SEC16A: variants seen among roughly 807,000 people sequenced by gnomAD.
SEC16A encodes the protein protein transport protein Sec16A.
SEC16A carries 110 observed loss-of-function variants against 221.9 expected under a neutral mutation model. The ratio of observed to expected loss-of-function variants is 0.50; its 90% confidence interval spans 0.42 to 0.58. The LOEUF is 0.58. Among genes scored for constraint, SEC16A ranks in the 20% least tolerant of loss-of-function variants. The probability of loss-of-function intolerance (pLI) is 0.00; values close to 1 mark genes in which losing one functional copy is unlikely to be tolerated. For synonymous variants in SEC16A, 1,393 were observed against 1,257.7 expected, an observed-to-expected ratio of 1.11 and a Z score of -2.28; for missense variants, 3,165 against 3,097.8, an observed-to-expected ratio of 1.02 and a Z score of -0.52.
At chr9:136,452,477 A>AAAAAAAAAAAAAAAAAG (rs1413100239) in intron 22 of SEC16A, among the ~76,000 whole-genome samples, 1 of 144,996 alleles carries the variant, frequency 6.9e-6, no homozygotes, top group Non-Finnish European at 1.5e-5. Flanking sequence ...AAAAAAAAAA[A>AAAAAAAAAAAAAAAAAG]AGAGATGGCC....
chr9:136,461,259 C>T lies in SEC16A; in HGVS notation c.4909G>A (p.Ala1637Thr), dbSNP rs752092696. ...TGACCCCACAGGCCATTCTTCATTGCAGACTCCAAAGCATCCTGCAAAAGG... is the reference window on the plus strand; with the variant it reads ...TGACCCCACAGGCCATTCTTCATTGTAGACTCCAAAGCATCCTGCAAAAGG... ...YGRKKDALES[A>T]MKNGLWGHAL... Residue 1637 changes from alanine to threonine, a missense_variant, in exon 13 of 32, where the codon GCA (alanine) becomes ACA (threonine). By Grantham distance (58) the Ala-to-Thr change is moderately conservative. This residue lies in a region of SEC16A where 1,088 missense variants were observed against 1,089.6 expected (regional missense o/e 1.00). Transcript: ENST00000684901. 3.7e-6 allele frequency: 6 copies of T among 1,605,620 alleles called. No homozygotes were observed. The highest frequency in any genetic ancestry group is 5.1e-6 in the Non-Finnish European group (6 of 1,176,138).
In SEC16A at chr9:136,446,944, C is replaced by T. The variant is rs374136015; in HGVS notation, c.6703G>A (p.Glu2235Lys). ...GTCCCGTCTGGAAGCTGTGGTTCTTCTGCATCTGGGGATGAGAGAGCGAGG... is the reference window on the plus strand; with the variant it reads ...GTCCCGTCTGGAAGCTGTGGTTCTTTTGCATCTGGGGATGAGAGAGCGAGG... ...SNLFVPTPDA[E>K]EPQLPDGTGR... is the part of the protein sequence containing the mutation. Residue 2235 changes from glutamate to lysine, a missense_variant, in exon 28 of 32, where the codon GAA (glutamate) becomes AAA (lysine). This residue lies in a region of SEC16A where 1,088 missense variants were observed against 1,089.6 expected (regional missense o/e 1.00). Coordinates refer to ENST00000684901, the MANE Select transcript of SEC16A (RefSeq NM_014866.2). 35 of 1,613,602 alleles carry T rather than the reference C, an allele frequency of 2.2e-5. No homozygotes were observed. In the African/African-American group the frequency reaches 2.9e-4, roughly 14 times the overall value.
At chr9:136,481,468 T>C (rs2133152876) in intron 1 of SEC16A, among the ~76,000 whole-genome samples, 1 of 152,310 alleles carries the variant, frequency 6.6e-6, no homozygotes, top group East Asian at 1.9e-4. Context: ...CCTCAAGTCA[T>C]CTAATTCTTT....
intron 1 of SEC16A, among the ~76,000 whole-genome samples, chr9:136,482,034 TTAAG>T (rs1842438810): frequency 6.6e-6 from 1 of 152,126 alleles, no homozygotes; most frequent in Non-Finnish European, 1.5e-5. Flanking sequence ...AAAGAAAACT[TTAAG>T]TACAATTTTG....
At chr9:136,457,418 C>A in intron 18 of SEC16A, 26 bp downstream of exon 18, 1 of 1,581,854 alleles carries the variant, frequency 6.3e-7, no homozygotes, top group Non-Finnish European at 8.6e-7. Flanking sequence ...GCACAGCATC[C>A]CGAGGACAGG....
upstream of SEC16A, chr9:136,483,795 G>A: frequency 7.1e-6 from 7 of 985,408 alleles, no homozygotes; most frequent in Non-Finnish European, 8.4e-6. Context: ...GAGGGCAGGC[G>A]GCGGCGGCCG....
Position 136,463,487 on chromosome 9 carries a change from A to G in SEC16A, c.4623T>C (p.Ile1541=), listed in dbSNP as rs13300554. Residue 1541 remains isoleucine (I), a synonymous_variant, in exon 11 of 32, where the codon ATT becomes ATC. Transcript: ENST00000684901. The part of the protein sequence containing the change: ...KESASLLWNF[I]VLLCRQNGTV... ...CCCCATTTTGTCTGCATAAGAGAAC[A>G]ATAAAATTCCAAAGAAGACTTGCAG... The G allele has an allele frequency of 0.018, 28,788 of 1,613,836 alleles. 318 individuals carry two copies. The highest frequency in any genetic ancestry group is 0.027 in the South Asian group (2,443 of 91,090).
upstream of SEC16A, chr9:136,483,849 G>C: frequency 1.1e-5 from 11 of 962,626 alleles, no homozygotes; most frequent in Non-Finnish European, 1.4e-5. Context: ...GCGGAGGGCC[G>C]ACTGCGCCTG....
chr9:136,445,404 G>C (rs1270901800), intron 29 of SEC16A, among the ~76,000 whole-genome samples: 2 of 152,228 alleles, frequency 1.3e-5, no homozygotes, highest in Admixed American at 1.3e-4. Context: ...TGCTGTTGAA[G>C]GGAGAGGACC....
At chr9:136,482,768 C>T (rs1185792972) in intron 1 of SEC16A, among the ~76,000 whole-genome samples, 170 bp downstream of exon 1, 2 of 151,976 alleles carry the variant, frequency 1.3e-5, no homozygotes, top group African/African-American at 4.8e-5. Flanking sequence ...GGGGCCCGGA[C>T]GTCTGTCCCC....
intron 23 of SEC16A, 133 bp from the exon 24 acceptor site, chr9:136,448,294 G>T: frequency 2.6e-6 from 2 of 756,998 alleles, no homozygotes; most frequent in South Asian, 1.5e-5. Context: ...GACACCAGGA[G>T]AATGGAGGTG....
At chr9:136,446,825 C>A (rs746584845) in intron 28 of SEC16A, 30 bp downstream of exon 28, 2 of 1,571,480 alleles carry the variant, frequency 1.3e-6, no homozygotes, top group African/African-American at 1.4e-5. Context: ...TCACTGGGTA[C>A]CTTTCCCCTT....
chr9:136,482,479 T>C (rs904096469), intron 1 of SEC16A, among the ~76,000 whole-genome samples: 2 of 152,268 alleles, frequency 1.3e-5, no homozygotes, highest in Non-Finnish European at 2.9e-5. Context: ...CCTCGGCCTC[T>C]GTTGCAACAT....
chr9:136,441,640 C>G lies in SEC16A; in HGVS notation c.*115G>C. The G allele has an allele frequency of 1.2e-6, 1 of 840,184 alleles. No homozygotes were observed. The allele number at this position is 840,184 out of a possible 1,614,324, so 52.0% of individuals were successfully genotyped here. A position where few individuals can be genotyped will look rare whatever the true frequency, so the allele number is the denominator to read the frequency against. The stretch of plus-strand genomic sequence containing the variant: ...AGGGAGGCACAGTGTGCGACCAGCT[C>G]TGAGTCACTGCTGTGTCTCCCTGGG... On this transcript the variant is annotated 3_prime_UTR_variant, in exon 32 of 32. Coordinates refer to ENST00000684901, the MANE Select transcript of SEC16A (RefSeq NM_014866.2).
rs376288098 is a variant in SEC16A, at chr9:136,475,568, G to A, written c.2048C>T (p.Thr683Met). ...GTGCGGAAGCATGTGCACAGCTTCC[G>A]TGGTGGAGTTAAGAGGCAGGGGACA... ...QVCPLPLNST[T>M]EAVHMLPHAG... The change falls in exon 3 of 32, where the codon ACG (threonine) becomes ATG (methionine). Residue 683 changes from threonine (T) to methionine (M), a missense_variant. By Grantham distance (81) the Thr-to-Met change is moderately conservative. Transcript: ENST00000684901. This position sits in a 1 kb window ranked among gnomAD's most constrained non-coding sequence, Gnocchi z 5.0. The A allele has an allele frequency of 3.7e-5, 59 of 1,613,444 alleles. No individual in the cohort carries two copies. The highest frequency in any genetic ancestry group is 3.1e-4 in the African/African-American group (23 of 75,008).
Position 136,466,419 on chromosome 9 carries a change from T to C in SEC16A, c.3973A>G (p.Thr1325Ala), listed in dbSNP as rs765466537. 19 of 1,607,334 alleles carry C rather than the reference T, an allele frequency of 1.2e-5. No individual in the cohort carries two copies. Among genetic ancestry groups the C allele is most frequent in the Non-Finnish European group, 1.6e-5 (19 of 1,177,220 alleles). Residue 1325 changes from threonine (T) to alanine (A), a missense_variant, in exon 7 of 32, where the codon ACG becomes GCG. Around this residue, in one of 3 missense-constraint regions of SEC16A, gnomAD observed 2,030 missense variants for 1,923.1 expected, o/e 1.06. Coordinates refer to ENST00000684901, the MANE Select transcript of SEC16A (RefSeq NM_014866.2). The surrounding 1 kb of genome is among the most constrained non-coding windows in gnomAD (Gnocchi z 5.5). The stretch of plus-strand genomic sequence containing the variant: ...TCGGGGTCATCGTCAAAACTCCCCG[T>C]GAAGCGAGGATCGTACCTCCAGTTG... Reference protein sequence around the residue: ...DNNWRYDPRFTGSFDDDPDPH... With the variant: ...DNNWRYDPRFAGSFDDDPDPH...
At chr9:136,470,347 G>A (rs1840696602) in intron 4 of SEC16A, among the ~76,000 whole-genome samples, 1 of 152,168 alleles carries the variant, frequency 6.6e-6, no homozygotes, top group African/African-American at 2.4e-5. Context: ...TCTCAGAATC[G>A]GTTCCTAGGT....
At chr9:136,455,365 A>G (rs1838483215) in intron 20 of SEC16A, among the ~76,000 whole-genome samples, 2 of 152,204 alleles carry the variant, frequency 1.3e-5, no homozygotes, top group East Asian at 3.9e-4. Flanking sequence ...CAGCACATGG[A>G]TATTTATGGA....
At chr9:136,470,403 G>A (rs1840704656) in intron 4 of SEC16A, among the ~76,000 whole-genome samples, 1 of 152,236 alleles carries the variant, frequency 6.6e-6, no homozygotes, top group Non-Finnish European at 1.5e-5. Context: ...GGAACAGTGA[G>A]AATGCTCCCT....
Sources: gnomAD v4.1 joint callset for allele counts (sites outside exome capture counted in the v4.1 genomes callset) on GRCh38, gnomAD v4.1.1 for gene constraint, gnomAD v4.1.1 regional missense constraint, Gnocchi (gnomAD v3.1) non-coding constraint, MANE v1.5 for transcripts, NCBI Gene and HGNC (gene_info 2026-07-23, HGNC 2026-07-21) for gene names.